Variants in ENTREP2 observed in about 807,000 individuals in gnomAD.
ENTREP2 encodes protein ENTREP2.
chr15:29,254,161 C>CAAAAAAAA, the ENTREP2 span, among the ~76,000 whole-genome samples: 11 of 61,332 alleles, frequency 1.8e-4, no homozygotes, highest in Admixed American at 2.8e-4. Flanking sequence ...TGTTAAAGAG[C>CAAAAAAAA]AAAAAAAAAA....
At chr15:29,554,616 G>GAC in the ENTREP2 span, among the ~76,000 whole-genome samples, 69,052 of 151,840 alleles carry the variant, frequency 0.45, 17,004 homozygotes, top group African/African-American at 0.66. Flanking sequence ...TAGTGAAAAA[G>GAC]AAATTTCAGA....
chr15:29,271,865 GTGC>G, the ENTREP2 span, among the ~76,000 whole-genome samples: 3 of 152,140 alleles, frequency 2.0e-5, no homozygotes, highest in African/African-American at 4.8e-5. Flanking sequence ...TCCTGCTACA[GTGC>G]CTTGAGTCAA....
At chr15:29,657,075 T>C in the ENTREP2 span, among the ~76,000 whole-genome samples, 1 of 152,012 alleles carries the variant, frequency 6.6e-6, no homozygotes, top group African/African-American at 2.4e-5. Flanking sequence ...TGAGACCGAG[T>C]CTCCCGCTGT....
the ENTREP2 span, among the ~76,000 whole-genome samples, chr15:29,545,227 G>A: frequency 6.6e-6 from 1 of 152,174 alleles, no homozygotes; most frequent in African/African-American, 2.4e-5. Flanking sequence ...AATTTCCACA[G>A]ATACATAATG....
At chr15:29,472,293 G>A in the ENTREP2 span, among the ~76,000 whole-genome samples, 1,179 of 152,182 alleles carry the variant, frequency 7.7e-3, 10 homozygotes, top group Middle Eastern at 0.027. Context: ...GCACCAGGAG[G>A]AAAACAGCTC....
the ENTREP2 span, among the ~76,000 whole-genome samples, chr15:29,284,748 T>C: frequency 4.6e-5 from 7 of 152,126 alleles, no homozygotes; most frequent in Non-Finnish European, 7.3e-5. Flanking sequence ...ACAGCTTCTC[T>C]GCATACTCTC....
At chr15:29,358,016 A>C in the ENTREP2 span, among the ~76,000 whole-genome samples, 8,061 of 152,124 alleles carry the variant, frequency 0.053, 335 homozygotes, top group Middle Eastern at 0.11. Flanking sequence ...TTGCTTTGGG[A>C]AAACCATGCG....
the ENTREP2 span, among the ~76,000 whole-genome samples, chr15:29,557,140 C>T: frequency 2.6e-5 from 4 of 152,190 alleles, no homozygotes; most frequent in Non-Finnish European, 4.4e-5. Flanking sequence ...AGCCCCTCAC[C>T]AGCAAACCTG....
the ENTREP2 span, among the ~76,000 whole-genome samples, chr15:29,614,722 G>A: frequency 1.9e-4 from 29 of 152,264 alleles, 1 homozygote; most frequent in African/African-American, 6.7e-4. Flanking sequence ...CTATGTCCAC[G>A]TAGTAGCCAG....
the ENTREP2 span, among the ~76,000 whole-genome samples, chr15:29,262,328 C>G: frequency 6.6e-6 from 1 of 152,172 alleles, no homozygotes; most frequent in Non-Finnish European, 1.5e-5. Flanking sequence ...GATTGTGGGT[C>G]AAAAGACCCT....
chr15:29,599,459 T>C, the ENTREP2 span, among the ~76,000 whole-genome samples: 1 of 152,186 alleles, frequency 6.6e-6, no homozygotes, highest in Non-Finnish European at 1.5e-5. Flanking sequence ...TTCTCACAGT[T>C]GATAGAGCAA....
the ENTREP2 span, among the ~76,000 whole-genome samples, chr15:29,325,420 AAATT>A: frequency 1.3e-5 from 2 of 152,166 alleles, no homozygotes; most frequent in African/African-American, 4.8e-5. Context: ...TATCAGAAAT[AAATT>A]AAGGGATTAC....
At chr15:29,598,046 C>T in the ENTREP2 span, among the ~76,000 whole-genome samples, 1 of 152,060 alleles carries the variant, frequency 6.6e-6, no homozygotes, top group African/African-American at 2.4e-5. Context: ...TCTCTTGAGC[C>T]TGGGAGGCAG....
chr15:29,478,006 TATATATA>T, the ENTREP2 span, among the ~76,000 whole-genome samples: 19 of 76,970 alleles, frequency 2.5e-4, no homozygotes, highest in African/African-American at 6.0e-4. Flanking sequence ...TATATATATA[TATATATA>T]TATATATTTT....
the ENTREP2 span, chr15:29,610,524 T>G: frequency 6.6e-6 from 1 of 150,798 alleles, no homozygotes; most frequent in Admixed American, 6.7e-5. Context: ...AAAAGCGGTG[T>G]GCATTGCTTC....
the ENTREP2 span, among the ~76,000 whole-genome samples, chr15:29,157,359 G>A: frequency 2.0e-4 from 31 of 152,120 alleles, no homozygotes; most frequent in African/African-American, 6.8e-4. Context: ...AGACTTCAGG[G>A]GCCTGGGGGC....
the ENTREP2 span, among the ~76,000 whole-genome samples, chr15:29,208,172 C>A: frequency 2.3e-5 from 3 of 131,490 alleles, no homozygotes; most frequent in African/African-American, 8.4e-5. Flanking sequence ...CACCCTGAGT[C>A]CAGATAACAG....
the ENTREP2 span, among the ~76,000 whole-genome samples, chr15:29,319,316 T>C: frequency 6.6e-6 from 1 of 152,168 alleles, no homozygotes; most frequent in Non-Finnish European, 1.5e-5. Context: ...CACTGACCAT[T>C]CTTTTGGAAC....
the ENTREP2 span, among the ~76,000 whole-genome samples, chr15:29,656,750 G>T: frequency 1.3e-5 from 2 of 152,104 alleles, no homozygotes; most frequent in African/African-American, 4.8e-5. Flanking sequence ...TATCTTGCTT[G>T]AAAGAAAGCA....
Sources: allele counts gnomAD v4.1 joint callset (sites outside exome capture counted in the v4.1 genomes callset), GRCh38; gene constraint gnomAD v4.1.1; transcripts MANE v1.5; gene names NCBI Gene and HGNC (gene_info 2026-07-23, HGNC 2026-07-21).